The following MTMR14 variants were observed in gnomAD, a reference collection of about 807,000 sequenced individuals.
The protein encoded by MTMR14 is myotubularin related protein 14.
MTMR14 carries 48 observed loss-of-function variants against 86.3 expected under a neutral mutation model. The observed-to-expected ratio is 0.56, with a 90% CI of 0.44 to 0.71. The LOEUF (loss-of-function observed/expected upper bound fraction) is 0.71, where lower values mean the gene tolerates loss of function less well. MTMR14 is among the 30% of genes least tolerant of loss of function. The probability of loss-of-function intolerance (pLI) is 0.00; values close to 1 mark genes in which losing one functional copy is unlikely to be tolerated. For synonymous variants in MTMR14, 366 were observed against 326.1 expected (o/e 1.12, Z -1.32); for missense variants, 780 against 834.6 (o/e 0.93, Z 0.81).
chr3:9,692,664 G>A (rs1290516539), intron 17 of MTMR14, among the ~76,000 whole-genome samples: 1 of 152,212 alleles, frequency 6.6e-6, no homozygotes. Flanking sequence ...TGCCCAAGGA[G>A]GGTTGGTGCC....
rs116880059 is a variant in MTMR14 at position 9,682,901 on chromosome 3, G to A, written c.898-277G>A. The stretch of plus-strand genomic sequence containing the variant: ...CTGGGTCACCCTGGCCTCAGCATCC[G>A]TTTCTGTTCCTCACTCTCACATTGG... On this transcript the variant is annotated intron_variant, in intron 9 of 18. Coordinates refer to ENST00000296003, the MANE Select transcript of MTMR14 (RefSeq NM_001077525.3). 6.6e-4 allele frequency among the ~76,000 whole-genome samples: 100 copies of A among 151,070 alleles called. 2 individuals carry two copies. In the East Asian group the frequency reaches 0.018, roughly 27 times the overall value.
At chr3:9,668,615 G>A (rs776223978) in intron 3 of MTMR14, 104 bp from the exon 4 acceptor site, 73 of 1,203,386 alleles carry the variant, frequency 6.1e-5, no homozygotes, top group Non-Finnish European at 8.6e-5. Context: ...GTGCTCCTGG[G>A]CCCGTTATGC....
chr3:9,669,736 C>G lies in MTMR14; in HGVS notation c.554+244C>G, dbSNP rs184099430. 1.5e-3 allele frequency among the ~76,000 whole-genome samples: 231 copies of G among 152,310 alleles called. 3 individuals are homozygous for G. Among genetic ancestry groups the G allele is most frequent in the African/African-American group, 5.4e-3 (224 of 41,560 alleles). On this transcript the variant is annotated intron_variant, in intron 5 of 18. Coordinates refer to ENST00000296003, the MANE Select transcript of MTMR14 (RefSeq NM_001077525.3). Reference sequence around the variant, plus strand: ...GCACACCTGGATTCACAGAGAACATCCCACTCTTGGGGTTCCTGGTACTGC... The same window carrying G: ...GCACACCTGGATTCACAGAGAACATGCCACTCTTGGGGTTCCTGGTACTGC...
At chr3:9,675,272 G>A (rs1402522066) in intron 7 of MTMR14, among the ~76,000 whole-genome samples, 1 of 152,168 alleles carries the variant, frequency 6.6e-6, no homozygotes, top group Non-Finnish European at 1.5e-5. Flanking sequence ...CCCAAATAAG[G>A]GGGACAGGAG....
At chr3:9,688,894 C>G (rs1337097306) in intron 15 of MTMR14, 50 bp from the exon 16 acceptor site, 1 of 1,612,920 alleles carries the variant, frequency 6.2e-7, no homozygotes, top group Non-Finnish European at 8.5e-7. Flanking sequence ...GGTGGGGGAC[C>G]AGTAGTGGGA....
chr3:9,688,623 C>A, intron 14 of MTMR14, 73 bp from the exon 15 acceptor site: 1 of 1,562,932 alleles, frequency 6.4e-7, no homozygotes, highest in Non-Finnish European at 8.8e-7. Context: ...CCAGGACAGG[C>A]AGGATTGGGA....
intron 13 of MTMR14, among the ~76,000 whole-genome samples, chr3:9,686,407 G>C (rs982908555): frequency 5.3e-5 from 8 of 152,180 alleles, no homozygotes; most frequent in African/African-American, 1.9e-4. Flanking sequence ...AGTAGTGTCT[G>C]AGTTTGAGCC....
Position 9,684,603 on chromosome 3 carries a change from T to C in MTMR14, c.983T>C (p.Val328Ala), listed in dbSNP as rs1250240552. 4 of 1,614,104 alleles carry C rather than the reference T, an allele frequency of 2.5e-6. No individual in the cohort carries two copies. Residue 328 changes from valine to alanine, a missense_variant, in exon 11 of 19, where the codon GTA becomes GCA. Val to Ala is a moderately conservative substitution (Grantham distance 64). Coordinates refer to ENST00000296003, the MANE Select transcript of MTMR14 (RefSeq NM_001077525.3). ...VNSDDDSGLL[V>A]HCISGWDRTP... Reference sequence around the variant, plus strand: ...TGAGTAGATGACAGCGGGCTGCTGGTACACTGTATCTCAGGCTGGGATCGG... The same window carrying C: ...TGAGTAGATGACAGCGGGCTGCTGGCACACTGTATCTCAGGCTGGGATCGG...
chr3:9,671,084 C>T lies in MTMR14; in HGVS notation c.591C>T (p.Gly197=), dbSNP rs199974873. The change falls in exon 6 of 19, where the codon GGC becomes GGT. Residue 197 remains glycine, a synonymous_variant. Coordinates refer to ENST00000296003, the MANE Select transcript of MTMR14 (RefSeq NM_001077525.3). ...CGCATCTTTTTGATAAGGTCAGAGG[C>T]TATGACATCAAGCTGCTTCGATACC... ...GDTHLFDKVR[G]YDIKLLRYLS... is the part of the protein sequence containing the mutation. 1 of 1,614,192 alleles carries T rather than the reference C, an allele frequency of 6.2e-7. No homozygotes were observed. The highest frequency in any genetic ancestry group is 1.3e-5 in the African/African-American group (1 of 75,056).
At chr3:9,699,890 G>C (rs1048869045) in intron 18 of MTMR14, 3 of 152,252 alleles carry the variant, frequency 2.0e-5, no homozygotes, top group Non-Finnish European at 4.4e-5. Flanking sequence ...CCTTTGGCCT[G>C]TGTGAAATTA....
Position 9,671,187 on chromosome 3 carries a change from A to G in MTMR14, c.677+17A>G, listed in dbSNP as rs777641774. On this transcript the variant is annotated intron_variant, in intron 6 of 18. Coordinates refer to ENST00000296003, the MANE Select transcript of MTMR14 (RefSeq NM_001077525.3). Reference sequence around the variant, plus strand: ...TGGCATGAAGTAAGTACAGGCGCCCACTACAAAATGAGCAGAGGCAGTGTG... The same window carrying G: ...TGGCATGAAGTAAGTACAGGCGCCCGCTACAAAATGAGCAGAGGCAGTGTG... 5 of 1,614,180 alleles carry G rather than the reference A, an allele frequency of 3.1e-6. No homozygotes were observed. Among genetic ancestry groups the G allele is most frequent in the Non-Finnish European group, 8.5e-7 (1 of 1,180,006 alleles).
chr3:9,659,406 A>G (rs1157922587), intron 2 of MTMR14, among the ~76,000 whole-genome samples: 1 of 152,148 alleles, frequency 6.6e-6, no homozygotes, highest in Non-Finnish European at 1.5e-5. Context: ...GAGATAATAA[A>G]AACAGGAAAA....
At chr3:9,670,544 T>C (rs2048511650) in intron 5 of MTMR14, among the ~76,000 whole-genome samples, 1 of 152,216 alleles carries the variant, frequency 6.6e-6, no homozygotes, top group Non-Finnish European at 1.5e-5. Context: ...GTAGAGGGAA[T>C]TTACTTGCTA....
chr3:9,685,014 A>G, intron 12 of MTMR14, 50 bp downstream of exon 12: 1 of 1,573,718 alleles, frequency 6.4e-7, no homozygotes, highest in African/African-American at 1.4e-5. Context: ...CAGTTTCTAT[A>G]TGTGAGTTGT....
intron 18 of MTMR14, among the ~76,000 whole-genome samples, chr3:9,699,153 CAA>C (rs1290705095): frequency 1.4e-5 from 2 of 143,228 alleles, no homozygotes; most frequent in Non-Finnish European, 3.0e-5. Context: ...GCCTGGGCAA[CAA>C]GAGCGAAACT....
At chr3:9,655,281 C>T (rs1366386469) in intron 2 of MTMR14, among the ~76,000 whole-genome samples, 1 of 151,152 alleles carries the variant, frequency 6.6e-6, no homozygotes, top group Non-Finnish European at 1.5e-5. Context: ...GCAGGAGAAT[C>T]GCTTGAACCC....
chr3:9,697,773 TAACGGGCTGTGGCAGTATTCAGG>T lies in MTMR14; in HGVS notation c.1678_1700del (p.Thr560AlafsTer17). The stretch of plus-strand genomic sequence containing the variant: ...ACAGACTATGGCAGCTGGCAGATGG[TAACGGGCTGTGGCAGTATTCAGG>T]AGCGGGCTGTCCTGCACACAGACTC... On this transcript the variant is annotated frameshift_variant, in exon 18 of 19. Coordinates refer to ENST00000296003, the MANE Select transcript of MTMR14 (RefSeq NM_001077525.3). LOFTEE classifies it high-confidence loss of function. 1 of 1,614,032 alleles carries T rather than the reference TAACGGGCTGTGGCAGTATTCAGG, an allele frequency of 6.2e-7. No homozygotes were observed. The highest frequency in any genetic ancestry group is 8.5e-7 in the Non-Finnish European group (1 of 1,180,004).
chr3:9,669,879 A>AG (rs2048474965), intron 5 of MTMR14, among the ~76,000 whole-genome samples: 1 of 152,194 alleles, frequency 6.6e-6, no homozygotes, highest in African/African-American at 2.4e-5. Flanking sequence ...GCTGGTACTG[A>AG]GGCACAGGGC....
intron 17 of MTMR14, among the ~76,000 whole-genome samples, chr3:9,695,449 A>T (rs2076255202): frequency 6.6e-6 from 1 of 152,190 alleles, no homozygotes; most frequent in Non-Finnish European, 1.5e-5. Flanking sequence ...CCCTGGGATC[A>T]CACACCCTGC....
Sources: allele counts gnomAD v4.1 joint callset (sites outside exome capture counted in the v4.1 genomes callset), GRCh38; gene constraint gnomAD v4.1.1; transcripts MANE v1.5; gene names NCBI Gene and HGNC (gene_info 2026-07-23, HGNC 2026-07-21).